The following LRRC4C variants were observed in gnomAD, a reference collection of about 807,000 sequenced individuals.
The protein encoded by LRRC4C is leucine-rich repeat-containing protein 4C.
Under a neutral mutation model 33.6 loss-of-function variants are expected in LRRC4C, and 5 were observed. That is an observed-to-expected ratio of 0.15 (90% confidence interval 0.08 to 0.31). LRRC4C has a LOEUF of 0.31. Among genes scored for constraint, LRRC4C ranks in the 10% least tolerant of loss-of-function variants. The pLI, the probability that LRRC4C is intolerant of heterozygous loss-of-function variation, is 1.00. For missense variants in LRRC4C, 560 were observed against 796.7 expected (o/e 0.70, Z 3.58); for synonymous variants, 329 against 302.0 (o/e 1.09, Z -0.93).
chr11:41,164,915 G>C (rs941302840), intron 1 of LRRC4C, among the ~76,000 whole-genome samples: 2 of 152,112 alleles, frequency 1.3e-5, no homozygotes, highest in African/African-American at 4.8e-5. Flanking sequence ...CGTGGCTCTG[G>C]AATGTGTCTA....
At chr11:40,965,412 C>A (rs911900115) in intron 1 of LRRC4C, among the ~76,000 whole-genome samples, 1 of 152,068 alleles carries the variant, frequency 6.6e-6, no homozygotes, top group African/African-American at 2.4e-5. Context: ...GTTGCCATTG[C>A]TTTTGGTGTT....
intron 1 of LRRC4C, among the ~76,000 whole-genome samples, chr11:41,277,167 T>C (rs1025640862): frequency 2.0e-5 from 3 of 152,162 alleles, no homozygotes; most frequent in Non-Finnish European, 4.4e-5. Context: ...TTTAAATAAA[T>C]TAGGCAGCAT....
chr11:40,195,743 CA>C (rs34365679), intron 5 of LRRC4C, among the ~76,000 whole-genome samples: 58,860 of 141,670 alleles, frequency 0.42, 11,439 homozygotes, highest in East Asian at 0.58. Flanking sequence ...AGGTGATTGT[CA>C]AAAAAAAAAA....
intron 2 of LRRC4C, among the ~76,000 whole-genome samples, chr11:40,697,148 C>A (rs1427676898): frequency 2.0e-5 from 3 of 152,058 alleles, no homozygotes; most frequent in African/African-American, 4.8e-5. Flanking sequence ...AGTACTTGTT[C>A]CATACTGCAT....
At chr11:40,865,256 G>A (rs771674876) in intron 2 of LRRC4C, among the ~76,000 whole-genome samples, 11 of 152,166 alleles carry the variant, frequency 7.2e-5, no homozygotes, top group Middle Eastern at 3.4e-3. Context: ...AGAGTATAAC[G>A]GTTATGATAA....
chr11:41,231,142 A>T (rs2136460301), intron 1 of LRRC4C, among the ~76,000 whole-genome samples: 1 of 152,262 alleles, frequency 6.6e-6, no homozygotes, highest in East Asian at 1.9e-4. Flanking sequence ...GTGGAGAAAT[A>T]GGAACACTTT....
chr11:40,913,841 C>T (rs188659186), intron 2 of LRRC4C, among the ~76,000 whole-genome samples: 568 of 151,910 alleles, frequency 3.7e-3, no homozygotes, highest in Non-Finnish European at 6.3e-3. Context: ...ATCAAATAGA[C>T]GCAATAAAAA....
At chr11:40,615,253 T>TATATATATATATAA (rs914584100) in intron 3 of LRRC4C, among the ~76,000 whole-genome samples, 60 of 93,086 alleles carry the variant, frequency 6.4e-4, no homozygotes, top group African/African-American at 1.8e-3. Flanking sequence ...TATATATATA[T>TATATATATATATAA]ATATATATAT....
rs146383358 is a variant in LRRC4C, at chr11:41,042,547, G to A, written c.-495-108824C>T. On this transcript the variant is annotated intron_variant, in intron 1 of 6. Transcript: ENST00000528697. Reference sequence around the variant, plus strand: ...AATGTCTAATGCACACTTCCTTGCCGCAACTGGGTTCCCTCCACCTCCCTA... The same window carrying A: ...AATGTCTAATGCACACTTCCTTGCCACAACTGGGTTCCCTCCACCTCCCTA... Among the ~76,000 whole-genome samples, 100 of 152,162 alleles carry A rather than the reference G, an allele frequency of 6.6e-4. 3 individuals are homozygous for A. In the East Asian group the frequency reaches 0.015, roughly 22 times the overall value.
At chr11:40,202,213 CAAAAAAAAAAAAA>C (rs35644436) in intron 5 of LRRC4C, among the ~76,000 whole-genome samples, 2 of 65,014 alleles carry the variant, frequency 3.1e-5, no homozygotes, top group African/African-American at 5.9e-5. Flanking sequence ...GTGTGATTAC[CAAAAAAAAAAAAA>C]AAAAAAAAAA....
chr11:41,310,542 A>C (rs1056510271), intron 1 of LRRC4C, among the ~76,000 whole-genome samples: 2 of 152,236 alleles, frequency 1.3e-5, no homozygotes, highest in African/African-American at 4.8e-5. Context: ...ATTACAGTAC[A>C]TTCCTTTCAG....
chr11:40,353,782 T>C (rs771625342), intron 3 of LRRC4C, among the ~76,000 whole-genome samples: 16 of 152,202 alleles, frequency 1.1e-4, no homozygotes, highest in Non-Finnish European at 2.4e-4. Flanking sequence ...CTCTGTTATC[T>C]CCAATTTTAT....
intron 3 of LRRC4C, among the ~76,000 whole-genome samples, chr11:40,488,077 C>G (rs1953956046): frequency 6.6e-6 from 1 of 152,076 alleles, no homozygotes; most frequent in South Asian, 2.1e-4. Context: ...TGAGATCTTT[C>G]AGATTTCAAA....
chr11:40,849,684 C>T (rs538988999), intron 2 of LRRC4C, among the ~76,000 whole-genome samples: 2 of 152,144 alleles, frequency 1.3e-5, no homozygotes, highest in South Asian at 2.1e-4. Context: ...GAATGTTGGC[C>T]TGTCTTGCTA....
At chr11:40,690,393 A>G (rs1271565984) in intron 2 of LRRC4C, among the ~76,000 whole-genome samples, 1 of 152,064 alleles carries the variant, frequency 6.6e-6, no homozygotes, top group Non-Finnish European at 1.5e-5. Flanking sequence ...CCAAATGAGA[A>G]CAAGCAAACC....
chr11:40,950,891 T>C (rs889917722), intron 1 of LRRC4C, among the ~76,000 whole-genome samples: 4 of 151,996 alleles, frequency 2.6e-5, no homozygotes, highest in African/African-American at 9.7e-5. Flanking sequence ...TTATTTTTTT[T>C]TTTTACTAAA....
At chr11:40,604,529 G>A (rs1960360591) in intron 3 of LRRC4C, among the ~76,000 whole-genome samples, 1 of 152,044 alleles carries the variant, frequency 6.6e-6, no homozygotes, top group South Asian at 2.1e-4. Context: ...ATAGCGGAAA[G>A]GGTAGGTAGT....
In LRRC4C at chr11:41,293,563, T is replaced by C. The variant is rs953219189; in HGVS notation, c.-496+165868A>G. On this transcript the variant is annotated intron_variant, in intron 1 of 6. Coordinates refer to ENST00000528697, the MANE Select transcript of LRRC4C (RefSeq NM_001258419.2). ...GTAATTTAAAATACTTCACTAATCA[T>C]GTTATTTTATTTTTTTATTTTATTT... Among the ~76,000 whole-genome samples the C allele has an allele frequency of 7.2e-4, 109 of 151,952 alleles. 2 individuals are homozygous for C. Among genetic ancestry groups the C allele is most frequent in the Non-Finnish European group, 2.1e-4 (14 of 67,970 alleles).
chr11:41,305,921 AAT>A (rs199894265), intron 1 of LRRC4C, among the ~76,000 whole-genome samples: 3,069 of 60,788 alleles, frequency 0.05, 179 homozygotes, highest in Admixed American at 0.25. Context: ...ATTAAAAAAA[AAT>A]AATAAAATAA....
Sources: allele counts gnomAD v4.1 joint callset (sites outside exome capture counted in the v4.1 genomes callset), GRCh38; gene constraint gnomAD v4.1.1; transcripts MANE v1.5; gene names NCBI Gene and HGNC (gene_info 2026-07-23, HGNC 2026-07-21).